VPS13B: variants seen among roughly 807,000 people sequenced by gnomAD.
The protein encoded by VPS13B is intermembrane lipid transfer protein VPS13B.
In VPS13B, 285 loss-of-function variants were observed where a neutral mutation model predicts 426.4. The ratio of observed to expected loss-of-function variants is 0.67; its 90% CI spans 0.61 to 0.74. The LOEUF (loss-of-function observed/expected upper bound fraction) is 0.74, where lower values mean the gene tolerates loss of function less well. Among genes scored for constraint, VPS13B ranks in the 30% least tolerant of loss-of-function variants. The probability of loss-of-function intolerance (pLI) is 0.00; values close to 1 mark genes in which losing one functional copy is unlikely to be tolerated. For missense variants in VPS13B, 4,537 were observed against 4,782.6 expected, an observed-to-expected ratio of 0.95 and a Z score of 1.51; for synonymous variants, 1,676 against 1,676.4, an observed-to-expected ratio of 1.00 and a Z score of 0.01.
intron 16 of VPS13B, 73 bp downstream of exon 16, chr8:99,170,236 T>C: frequency 5.2e-6 from 8 of 1,545,608 alleles, no homozygotes; most frequent in Non-Finnish European, 7.1e-6. Flanking sequence ...CCCAAATGTA[T>C]CTGTCTTATG....
At chr8:99,228,831 A>G (rs1816162836) in intron 17 of VPS13B, among the ~76,000 whole-genome samples, 1 of 152,148 alleles carries the variant, frequency 6.6e-6, no homozygotes, top group African/African-American at 2.4e-5. Flanking sequence ...TGGACGTTCA[A>G]AAGGAAGCCG....
intron 22 of VPS13B, among the ~76,000 whole-genome samples, chr8:99,437,913 G>A (rs1430919086): frequency 3.3e-5 from 5 of 151,664 alleles, no homozygotes; most frequent in Non-Finnish European, 5.9e-5. Context: ...GTGCTGGCTA[G>A]AATTTACTCC....
At chr8:99,096,247 AT>A (rs1159518062) in intron 3 of VPS13B, 64 bp from the exon 4 acceptor site, 23 of 1,586,472 alleles carry the variant, frequency 1.4e-5, no homozygotes, top group East Asian at 4.6e-5. Context: ...ATATTAAAAA[AT>A]TTTTTTTCTT....
intron 19 of VPS13B, chr8:99,341,178 G>A: frequency 4.3e-6 from 1 of 230,520 alleles, no homozygotes; most frequent in South Asian, 6.8e-5. Context: ...ATAGTGTGGT[G>A]GTGGCAAGGC....
intron 17 of VPS13B, among the ~76,000 whole-genome samples, chr8:99,267,567 A>G (rs1299843360): frequency 6.6e-6 from 1 of 151,972 alleles, no homozygotes; most frequent in Non-Finnish European, 1.5e-5. Flanking sequence ...TCTCTACTAA[A>G]AATACAAAAA....
intron 39 of VPS13B, among the ~76,000 whole-genome samples, chr8:99,762,801 C>CT (rs918972368): frequency 1.2e-4 from 18 of 151,952 alleles, no homozygotes; most frequent in African/African-American, 4.4e-4. Flanking sequence ...TAGCTATATT[C>CT]TTATCCCCCT....
intron 35 of VPS13B, chr8:99,697,564 C>T (rs1832082866): frequency 5.8e-6 from 4 of 693,568 alleles, no homozygotes; most frequent in Non-Finnish European, 2.6e-6. Flanking sequence ...ACAGCGAGAA[C>T]ATGCAAGAGA....
chr8:99,694,908 A>C (rs1228255222), intron 35 of VPS13B, among the ~76,000 whole-genome samples: 2 of 152,146 alleles, frequency 1.3e-5, no homozygotes, highest in Admixed American at 1.3e-4. Flanking sequence ...GACACTTCTC[A>C]AAAGAAGACA....
At chr8:99,277,740 T>C (rs2133007288) in intron 19 of VPS13B, among the ~76,000 whole-genome samples, 2 of 152,340 alleles carry the variant, frequency 1.3e-5, no homozygotes, top group East Asian at 3.9e-4. Flanking sequence ...TATATGTTAC[T>C]GATTTATATT....
chr8:99,324,735 G>A (rs1232339529), intron 19 of VPS13B, among the ~76,000 whole-genome samples: 2 of 152,110 alleles, frequency 1.3e-5, no homozygotes, highest in Non-Finnish European at 2.9e-5. Context: ...CAGAGCACAA[G>A]GGTATAGATT....
intron 19 of VPS13B, chr8:99,340,484 G>C: frequency 2.1e-6 from 1 of 486,314 alleles, no homozygotes; most frequent in Middle Eastern, 4.1e-4. Flanking sequence ...AGGATTTCTG[G>C]AAGTTTTACC....
chr8:99,418,829 C>A (rs1816220793), intron 21 of VPS13B, among the ~76,000 whole-genome samples: 1 of 152,168 alleles, frequency 6.6e-6, no homozygotes, highest in Non-Finnish European at 1.5e-5. Context: ...ATTTATCCTT[C>A]TTCCTTCAAA....
At chr8:99,021,311 T>G (rs1841871786) in intron 2 of VPS13B, among the ~76,000 whole-genome samples, 1 of 152,316 alleles carries the variant, frequency 6.6e-6, no homozygotes, top group Admixed American at 6.5e-5. Flanking sequence ...GTTGTTTACT[T>G]TTTAATTTTT....
chr8:99,384,354 T>C (rs751317797), intron 20 of VPS13B, 37 bp downstream of exon 20: 28 of 1,490,734 alleles, frequency 1.9e-5, no homozygotes, highest in Non-Finnish European at 2.4e-5. Flanking sequence ...TGTTAACAAA[T>C]ATTTTTCTTA....
chr8:99,744,339 T>C (rs575806890), intron 39 of VPS13B, among the ~76,000 whole-genome samples: 2 of 152,246 alleles, frequency 1.3e-5, no homozygotes, highest in East Asian at 3.9e-4. Context: ...GGAGAGGATG[T>C]GGAGAAATAG....
chr8:99,225,278 T>A (rs1052703518), intron 17 of VPS13B, among the ~76,000 whole-genome samples: 1 of 152,002 alleles, frequency 6.6e-6, no homozygotes, highest in African/African-American at 2.4e-5. Context: ...TTCTTTTCTT[T>A]TCTTTTTTTT....
At chr8:99,447,361 T>A (rs528281227) in intron 23 of VPS13B, among the ~76,000 whole-genome samples, 1 of 152,332 alleles carries the variant, frequency 6.6e-6, no homozygotes, top group South Asian at 2.1e-4. Context: ...TGGCAGCGTT[T>A]GTGAGAGGAT....
chr8:99,448,121 T>TTTTATTTA (rs149574664), intron 23 of VPS13B, among the ~76,000 whole-genome samples: 3,105 of 141,832 alleles, frequency 0.022, 46 homozygotes, highest in South Asian at 0.036. Flanking sequence ...GTGGTTTTAT[T>TTTTATTTA]TTTATTTATT....
At chr8:99,598,202 T>A (rs143042430) in intron 33 of VPS13B, among the ~76,000 whole-genome samples, 2 of 152,044 alleles carry the variant, frequency 1.3e-5, no homozygotes, top group African/African-American at 4.8e-5. Flanking sequence ...TTCAGATCCG[T>A]TTTAGTCTGA....
Sources: allele counts gnomAD v4.1 joint callset (sites outside exome capture counted in the v4.1 genomes callset), GRCh38; gene constraint gnomAD v4.1.1; transcripts MANE v1.5; gene names NCBI Gene and HGNC (gene_info 2026-07-23, HGNC 2026-07-21).